Variants in GSK3B observed in about 807,000 individuals in gnomAD.
The protein encoded by GSK3B is glycogen synthase kinase-3 beta.
In GSK3B, 15 loss-of-function variants were observed where a neutral mutation model predicts 56.4. The observed-to-expected ratio is 0.27, with a 90% CI of 0.18 to 0.41. The LOEUF (loss-of-function observed/expected upper bound fraction) is 0.41. Among genes scored for constraint, GSK3B ranks in the 10% least tolerant of loss-of-function variants. GSK3B has a pLI of 1.00. For synonymous variants in GSK3B, 181 were observed against 188.9 expected (o/e 0.96, Z 0.34); for missense variants, 300 against 513.4 (o/e 0.58, Z 4.02).
At chr3:120,068,892 C>A (rs1486645003) in intron 1 of GSK3B, among the ~76,000 whole-genome samples, 2 of 150,988 alleles carry the variant, frequency 1.3e-5, no homozygotes, top group Non-Finnish European at 3.0e-5. Flanking sequence ...AAATAAAAAC[C>A]CCAAAATGGA....
At position 119,898,701 on chromosome 3, in the gene GSK3B, C is replaced by A. The variant is rs1254496669; in HGVS notation, c.813+7054G>T. On this transcript the variant is annotated intron_variant, in intron 7 of 10. Transcript: ENST00000264235. ...GTATATACGGTAATACAGTAGTTTCCCCTTAACTGTGGAGGATATGTTCCA... is the reference window on the plus strand; with the variant it reads ...GTATATACGGTAATACAGTAGTTTCACCTTAACTGTGGAGGATATGTTCCA... Among the ~76,000 whole-genome samples, 3 of 152,072 alleles carry A rather than the reference C, an allele frequency of 2.0e-5. No homozygotes were observed. The East Asian group carries it at 5.8e-4, about 29-fold the overall frequency.
intron 3 of GSK3B, among the ~76,000 whole-genome samples, chr3:119,924,647 C>A (rs967039141): frequency 1.3e-5 from 2 of 152,242 alleles, no homozygotes; most frequent in Admixed American, 1.3e-4. Context: ...CTCTACACTT[C>A]ACGCACTTAT....
chr3:119,958,872 T>G (rs1166130215), intron 2 of GSK3B, among the ~76,000 whole-genome samples: 1 of 152,108 alleles, frequency 6.6e-6, no homozygotes, highest in Admixed American at 6.6e-5. Context: ...CTTAGACCAT[T>G]TGCTTTCTGA....
intron 1 of GSK3B, among the ~76,000 whole-genome samples, chr3:120,082,761 G>A (rs1416830528): frequency 1.3e-5 from 2 of 151,980 alleles, no homozygotes; most frequent in African/African-American, 4.8e-5. Context: ...CCCAAAAAAA[G>A]AATGTAAAAT....
At chr3:119,957,046 G>GTTT (rs1390014674) in intron 2 of GSK3B, among the ~76,000 whole-genome samples, 4 of 152,236 alleles carry the variant, frequency 2.6e-5, no homozygotes, top group African/African-American at 9.6e-5. Flanking sequence ...CTGGTTCACT[G>GTTT]TTTCCCAATC....
intron 9 of GSK3B, among the ~76,000 whole-genome samples, chr3:119,860,891 C>A (rs1243886098): frequency 6.6e-6 from 1 of 152,158 alleles, no homozygotes. Flanking sequence ...ATGTCACTGA[C>A]AATTTGTTAT....
chr3:119,863,748 A>C, intron 8 of GSK3B, 143 bp from the exon 9 acceptor site: 1 of 590,042 alleles, frequency 1.7e-6, no homozygotes. Context: ...GGAAAGAGTT[A>C]AATGCATATG....
intron 7 of GSK3B, among the ~76,000 whole-genome samples, chr3:119,897,806 A>AAG (rs1553729875): frequency 2.6e-5 from 4 of 151,240 alleles, no homozygotes; most frequent in Admixed American, 6.6e-5. Context: ...AAAAAAAAAA[A>AAG]AAAAAGAAAA....
chr3:120,068,039 T>G (rs2058294325), intron 1 of GSK3B, among the ~76,000 whole-genome samples: 1 of 152,228 alleles, frequency 6.6e-6, no homozygotes, highest in Non-Finnish European at 1.5e-5. Context: ...TATGCATCCT[T>G]CTCTTTTAGA....
intron 1 of GSK3B, among the ~76,000 whole-genome samples, chr3:120,048,236 T>G (rs1259187957): frequency 6.6e-6 from 1 of 152,202 alleles, no homozygotes; most frequent in Non-Finnish European, 1.5e-5. Flanking sequence ...CTACTCATAA[T>G]AAATATAGAA....
At chr3:119,904,706 G>A (rs2056664542) in intron 7 of GSK3B, among the ~76,000 whole-genome samples, 1 of 152,134 alleles carries the variant, frequency 6.6e-6, no homozygotes, top group African/African-American at 2.4e-5. Flanking sequence ...AGAATAAGCT[G>A]CATCCCTAAG....
intron 2 of GSK3B, among the ~76,000 whole-genome samples, chr3:119,984,670 A>T (rs968423864): frequency 1.3e-5 from 2 of 152,210 alleles, no homozygotes; most frequent in African/African-American, 4.8e-5. Flanking sequence ...ACCAGGAAGA[A>T]GTTGAATCTC....
intron 1 of GSK3B, among the ~76,000 whole-genome samples, chr3:120,074,113 T>G (rs2058349229): frequency 6.6e-6 from 1 of 152,028 alleles, no homozygotes. Context: ...AAGACCAGCT[T>G]GGGCAACATG....
chr3:119,905,919 G>A (rs528112051), intron 6 of GSK3B, 67 bp from the exon 7 acceptor site: 8 of 890,470 alleles, frequency 9.0e-6, no homozygotes, highest in East Asian at 4.8e-5. Context: ...GTTTGTATAC[G>A]TTTTCTAATT....
At chr3:119,857,393 T>C (rs931153364) in intron 9 of GSK3B, among the ~76,000 whole-genome samples, 1 of 152,234 alleles carries the variant, frequency 6.6e-6, no homozygotes, top group Admixed American at 6.5e-5. Context: ...TGGAATATTC[T>C]AAATCCTCTG....
At chr3:119,952,680 G>A (rs879604163) in intron 2 of GSK3B, among the ~76,000 whole-genome samples, 39 of 148,178 alleles carry the variant, frequency 2.6e-4, no homozygotes, top group Non-Finnish European at 3.7e-4. Context: ...ATTAATAGCC[G>A]ACTAATCATC....
chr3:120,036,481 A>G (rs2058024176), intron 1 of GSK3B, among the ~76,000 whole-genome samples: 1 of 152,178 alleles, frequency 6.6e-6, no homozygotes, highest in Non-Finnish European at 1.5e-5. Context: ...TAAATGACTC[A>G]GAGACAAAAA....
intron 3 of GSK3B, among the ~76,000 whole-genome samples, chr3:119,938,850 G>A (rs1379058346): frequency 6.6e-6 from 1 of 151,840 alleles, no homozygotes; most frequent in Non-Finnish European, 1.5e-5. Flanking sequence ...AGTTTTCTAC[G>A]ACTATCTAGA....
At chr3:119,888,212 G>A (rs1021514136) in intron 7 of GSK3B, among the ~76,000 whole-genome samples, 1 of 152,086 alleles carries the variant, frequency 6.6e-6, no homozygotes, top group Non-Finnish European at 1.5e-5. Context: ...AATTCCTCTT[G>A]AAGAAATTGT....
Sources: gnomAD v4.1 joint callset for allele counts (sites outside exome capture counted in the v4.1 genomes callset) on GRCh38, gnomAD v4.1.1 for gene constraint, MANE v1.5 for transcripts, NCBI Gene and HGNC (gene_info 2026-07-23, HGNC 2026-07-21) for gene names.